Variants in SLC25A24 observed in about 807,000 individuals in gnomAD.
The protein encoded by SLC25A24 is mitochondrial adenyl nucleotide antiporter SLC25A24.
In SLC25A24, 49 loss-of-function variants were observed where a neutral mutation model predicts 60.7. That is an observed-to-expected ratio of 0.81 (90% confidence interval 0.64 to 1.02). The LOEUF (loss-of-function observed/expected upper bound fraction) is 1.02. Ranked by LOEUF, SLC25A24 falls within the 50% of genes least tolerant of loss-of-function variation. SLC25A24 has a pLI of 0.00. For missense variants in SLC25A24, 564 were observed against 586.3 expected (o/e 0.96, Z 0.39); for synonymous variants, 202 against 200.6 (o/e 1.01, Z -0.06).
At chr1:108,182,836 A>G (rs1647978073) in intron 2 of SLC25A24, among the ~76,000 whole-genome samples, 1 of 152,152 alleles carries the variant, frequency 6.6e-6, no homozygotes, top group Admixed American at 6.5e-5. Context: ...CCATCTCAAA[A>G]ATAAATAAAT....
At chr1:108,144,171 T>A (rs1006353013) in intron 7 of SLC25A24, among the ~76,000 whole-genome samples, 1 of 152,104 alleles carries the variant, frequency 6.6e-6, no homozygotes, top group Non-Finnish European at 1.5e-5. Context: ...ATATAAACAA[T>A]CATATTAAGA....
intron 1 of SLC25A24, among the ~76,000 whole-genome samples, chr1:108,195,247 C>T (rs548470420): frequency 1.3e-5 from 2 of 152,144 alleles, no homozygotes; most frequent in Admixed American, 1.3e-4. Flanking sequence ...GAGTTGGGGC[C>T]TTAAACAATG....
chr1:108,182,591 T>C (rs771993446), intron 2 of SLC25A24, among the ~76,000 whole-genome samples: 26 of 152,090 alleles, frequency 1.7e-4, no homozygotes, highest in African/African-American at 5.6e-4. Context: ...CCAGCACTTT[T>C]GGAGGCTGAG....
Position 108,192,799 on chromosome 1 carries a change from G to T in SLC25A24, c.184-6845C>A. 3 of 1,280,278 alleles carry T rather than the reference G, an allele frequency of 2.3e-6. 1 individual carries two copies. Among genetic ancestry groups the T allele is most frequent in the Non-Finnish European group, 3.0e-6 (3 of 1,001,616 alleles). 79.3% of individuals were successfully genotyped at this position (1,280,278 alleles called of 1,614,324 possible). A position where few individuals can be genotyped will look rare whatever the true frequency, so the allele number is the denominator to read the frequency against. ...CATCGGTTAAAGCTCTGGAAGGAGA[G>T]GGCTCATCCTAACGGCTTCAGCGCA... is the stretch of plus-strand genomic sequence containing the variant. On this transcript the variant is annotated intron_variant, in intron 1 of 9. Coordinates refer to ENST00000565488, the MANE Select transcript of SLC25A24 (RefSeq NM_013386.5).
At position 108,136,315 on chromosome 1, in the gene SLC25A24, T is replaced by A. The variant is rs1257863366; in HGVS notation, c.*338A>T. The A allele has an allele frequency of 2.4e-5, 4 of 167,560 alleles. No individual in the cohort carries two copies. Among genetic ancestry groups the A allele is most frequent in the African/African-American group, 9.5e-5 (4 of 41,976 alleles). The allele number at this position is 167,560 out of a possible 1,614,324, so 10.4% of individuals were successfully genotyped here. A position where few individuals can be genotyped will look rare whatever the true frequency, so the allele number is the denominator to read the frequency against. On this transcript the variant is annotated 3_prime_UTR_variant, in exon 10 of 10. Coordinates refer to ENST00000565488, the MANE Select transcript of SLC25A24 (RefSeq NM_013386.5). ...TGGCATAAACGTAAACCACCCGAAA[T>A]AAAGATTAATGATTTATAACTCTAA...
chr1:108,170,240 G>C (rs910778000), intron 3 of SLC25A24, among the ~76,000 whole-genome samples: 3 of 152,118 alleles, frequency 2.0e-5, no homozygotes, highest in Non-Finnish European at 4.4e-5. Flanking sequence ...AAGTTGAGAA[G>C]TGTATATCAC....
intron 3 of SLC25A24, among the ~76,000 whole-genome samples, chr1:108,161,659 G>T (rs940284231): frequency 2.0e-5 from 3 of 152,144 alleles, no homozygotes; most frequent in Non-Finnish European, 4.4e-5. Flanking sequence ...GGATCATGAA[G>T]ATAATTCTTA....
rs760099162 is a variant in SLC25A24, at chr1:108,154,978, A to G, written c.822+5T>C. On this transcript the variant is annotated splice_donor_5th_base_variant and intron_variant, in intron 6 of 9. Coordinates refer to ENST00000565488, the MANE Select transcript of SLC25A24 (RefSeq NM_013386.5). ...TTAATAAATTCCACGGGTGATAACA[A>G]TTACCTGTTCATATGCCCAGAATTT... The G allele has an allele frequency of 1.2e-6, 2 of 1,603,990 alleles. No homozygotes were observed. The highest frequency in any genetic ancestry group is 1.7e-6 in the Non-Finnish European group (2 of 1,174,842).
At chr1:108,171,070 T>G (rs1428365221) in intron 3 of SLC25A24, among the ~76,000 whole-genome samples, 1 of 152,198 alleles carries the variant, frequency 6.6e-6, no homozygotes, top group Non-Finnish European at 1.5e-5. Context: ...TCTAATTATC[T>G]CATTCTTTCT....
intron 6 of SLC25A24, among the ~76,000 whole-genome samples, chr1:108,152,399 T>C (rs11185285): frequency 0.5 from 76,264 of 151,574 alleles, 19,686 homozygotes; most frequent in African/African-American, 0.62. Flanking sequence ...CAAGGTCTCA[T>C]TCTATCACCC....
At position 108,143,608 on chromosome 1, in the gene SLC25A24, T is replaced by TACAAAAA; in HGVS notation, c.1032_1033insTTTTTGT (p.Lys345PhefsTer3). On this transcript the variant is annotated frameshift_variant, in exon 8 of 10. Transcript: ENST00000565488. LOFTEE classifies it high-confidence loss of function. ...CCTAATAAATTGGGAACATAGCCTT[T>TACAAAAA]GTAAAAAGCTCCCAAGCCTTCATGT... The TACAAAAA allele has an allele frequency of 6.2e-7, 1 of 1,613,878 alleles. No individual in the cohort carries two copies. The highest frequency in any genetic ancestry group is 1.3e-5 in the African/African-American group (1 of 75,052).
intron 3 of SLC25A24, among the ~76,000 whole-genome samples, chr1:108,163,469 A>C (rs1375857613): frequency 2.0e-5 from 3 of 150,102 alleles, no homozygotes; most frequent in East Asian, 2.0e-4. Context: ...CTTTTATTTC[A>C]TTAAGCAGTG....
chr1:108,185,190 A>G (rs1403468429), intron 2 of SLC25A24, among the ~76,000 whole-genome samples: 2 of 152,212 alleles, frequency 1.3e-5, no homozygotes, highest in African/African-American at 2.4e-5. Context: ...ACTATAAGAA[A>G]TAAATTTCAT....
At chr1:108,175,507 C>A (rs1647642601) in intron 3 of SLC25A24, among the ~76,000 whole-genome samples, 2 of 152,028 alleles carry the variant, frequency 1.3e-5, no homozygotes, top group South Asian at 4.2e-4. Context: ...ATACACCAGG[C>A]AACATGGCAA....
chr1:108,157,775 T>C (rs1239414716), intron 4 of SLC25A24, among the ~76,000 whole-genome samples, 155 bp from the exon 5 acceptor site: 1 of 152,214 alleles, frequency 6.6e-6, no homozygotes, highest in Non-Finnish European at 1.5e-5. Context: ...GATTATAAGT[T>C]GTCTACTCAC....
intron 1 of SLC25A24, among the ~76,000 whole-genome samples, chr1:108,187,923 TATAG>T (rs918964442): frequency 3.9e-5 from 3 of 77,132 alleles, no homozygotes; most frequent in South Asian, 3.8e-4. Context: ...GATAAGACAT[TATAG>T]ATATATATAT....
At chr1:108,192,243 T>C (rs1406159444) in intron 1 of SLC25A24, among the ~76,000 whole-genome samples, 1 of 139,550 alleles carries the variant, frequency 7.2e-6, no homozygotes, top group African/African-American at 2.5e-5. Context: ...CAAGGCTGTA[T>C]GTAGCCAACA....
At chr1:108,184,611 T>C (rs981898585) in intron 2 of SLC25A24, among the ~76,000 whole-genome samples, 3 of 152,232 alleles carry the variant, frequency 2.0e-5, no homozygotes, top group Admixed American at 6.5e-5. Flanking sequence ...TGGCAAACTA[T>C]AACCCTCAAG....
intron 3 of SLC25A24, among the ~76,000 whole-genome samples, chr1:108,176,822 T>C (rs573291284): frequency 5.1e-4 from 78 of 152,056 alleles, no homozygotes; most frequent in Non-Finnish European, 7.6e-4. Context: ...AGACAAACAA[T>C]AGCTGAGGGA....
Sources: allele counts gnomAD v4.1 joint callset (sites outside exome capture counted in the v4.1 genomes callset), GRCh38; gene constraint gnomAD v4.1.1; transcripts MANE v1.5; gene names NCBI Gene and HGNC (gene_info 2026-07-23, HGNC 2026-07-21).